The following INTS2 variants were observed in gnomAD, a reference collection of about 807,000 sequenced individuals.
INTS2 encodes integrator complex subunit 2.
In INTS2, 57 loss-of-function variants were observed where a neutral mutation model predicts 139.6. The ratio of observed to expected loss-of-function variants is 0.41; its 90% CI spans 0.33 to 0.51. INTS2 has a LOEUF of 0.51. Among genes scored for constraint, INTS2 ranks in the 20% least tolerant of loss-of-function variants. The pLI, the probability that INTS2 is intolerant of heterozygous loss-of-function variation, is 0.28. For missense variants in INTS2, 1,196 were observed against 1,436.7 expected (o/e 0.83, Z 2.71); for synonymous variants, 473 against 493.4 (o/e 0.96, Z 0.55).
chr17:61,901,577 CTTTTTTTTTTTTTTTTTTTTTT>C (rs55751869), intron 9 of INTS2, among the ~76,000 whole-genome samples: 9 of 49,454 alleles, frequency 1.8e-4, no homozygotes, highest in African/African-American at 7.8e-4. Flanking sequence ...AGAATGATTT[CTTTTTTTTTTTTTTTTTTTTTT>C]TTTTTTTTTT....
At chr17:61,903,626 T>A in intron 9 of INTS2, among the ~76,000 whole-genome samples, 1 of 150,026 alleles carries the variant, frequency 6.7e-6, no homozygotes, top group Non-Finnish European at 1.5e-5. Flanking sequence ...ACCAAGAAAG[T>A]TAAAAGCAAA....
intron 8 of INTS2, among the ~76,000 whole-genome samples, chr17:61,905,418 C>G (rs1468268377): frequency 6.6e-6 from 1 of 152,286 alleles, no homozygotes; most frequent in South Asian, 2.1e-4. Context: ...ACTCTACCTC[C>G]TAAGTTCAAG....
At chr17:61,911,161 A>G (rs1416006256) in intron 7 of INTS2, 1 of 280,516 alleles carries the variant, frequency 3.6e-6, no homozygotes, top group East Asian at 5.8e-5. Context: ...AGGCACAATT[A>G]TCACACACTA....
rs371804400 is a variant in INTS2 at position 61,875,035 on chromosome 17, T to C, written c.2460A>G (p.Leu820=). ...MVLNTVMPRR[L]WVMTVNALQP... is the part of the protein sequence containing the mutation. ...GAAGTGCATTAACCGTCATTACCCA[T>C]AGCCTGATAAGAAAATAATCACATG... Residue 820 remains leucine (L), a synonymous_variant, in exon 19 of 25, where the codon CTA becomes CTG. Coordinates refer to ENST00000251334, the MANE Select transcript of INTS2 (RefSeq NM_001351695.2). This position sits in a 1 kb window ranked among gnomAD's most constrained non-coding sequence, Gnocchi z 4.6. 3.8e-6 allele frequency: 6 copies of C among 1,583,730 alleles called. No homozygotes were observed. In the East Asian group the frequency reaches 1.1e-4, roughly 30 times the overall value.
At chr17:61,914,702 CAAAAAAA>C (rs58141533) in intron 5 of INTS2, among the ~76,000 whole-genome samples, 1 of 49,368 alleles carries the variant, frequency 2.0e-5, no homozygotes, top group Non-Finnish European at 4.4e-5. Flanking sequence ...GACTCCGTCT[CAAAAAAA>C]AAAAAAAAAA....
intron 14 of INTS2, among the ~76,000 whole-genome samples, chr17:61,891,203 G>C (rs570571740): frequency 6.6e-6 from 1 of 151,930 alleles, no homozygotes; most frequent in African/African-American, 2.4e-5. Flanking sequence ...ACTGAGGCAG[G>C]AGAATCACTT....
rs1463747356 is a variant in INTS2, at chr17:61,871,644, T to C, written c.2778+621A>G. 6.6e-6 allele frequency among the ~76,000 whole-genome samples: 1 copy of C among 152,172 alleles called. No individual in the cohort carries two copies. Among genetic ancestry groups the C allele is most frequent in the African/African-American group, 2.4e-5 (1 of 41,538 alleles). The stretch of plus-strand genomic sequence containing the variant: ...CAGTAGGTGTCCCAGTAAATATTGG[T>C]TGAATGAGGCCGGGTGCCGTGGCTC... On this transcript the variant is annotated intron_variant, in intron 20 of 24. Transcript: ENST00000251334. The surrounding 1 kb of genome is among the most constrained non-coding windows in gnomAD (Gnocchi z 4.9).
chr17:61,904,291 G>A (rs927101068), intron 9 of INTS2, among the ~76,000 whole-genome samples, 169 bp downstream of exon 9: 1 of 152,150 alleles, frequency 6.6e-6, no homozygotes, highest in African/African-American at 2.4e-5. Flanking sequence ...TCCAGCCTGG[G>A]CAACAAAGCT....
rs773783944 is a variant in INTS2 at position 61,921,792 on chromosome 17, A to C, written c.468T>G (p.Ser156=). ...SESNGEFFFK[S]SELFESPVYL... Reference sequence around the variant, plus strand: ...ATACTGGACTCTCAAAAAGTTCAGAAGACTTGAAAAAAAATTCTCCGTTGG... The same window carrying C: ...ATACTGGACTCTCAAAAAGTTCAGACGACTTGAAAAAAAATTCTCCGTTGG... Residue 156 remains serine (S), a synonymous_variant, in exon 4 of 25, where the codon TCT becomes TCG. Coordinates refer to ENST00000251334, the MANE Select transcript of INTS2 (RefSeq NM_001351695.2). 1.9e-6 allele frequency: 3 copies of C among 1,604,066 alleles called. No individual in the cohort carries two copies. The Admixed American group carries it at 5.1e-5, about 27-fold the overall frequency.
At chr17:61,886,894 A>G (rs1330908807) in intron 15 of INTS2, among the ~76,000 whole-genome samples, 1 of 152,218 alleles carries the variant, frequency 6.6e-6, no homozygotes, top group Non-Finnish European at 1.5e-5. Flanking sequence ...CTGTCTATAT[A>G]GACCACATAT....
chr17:61,919,525 C>T lies in INTS2; in HGVS notation c.536-12G>A. 2.1e-6 allele frequency: 3 copies of T among 1,436,290 alleles called. No homozygotes were observed. The highest frequency in any genetic ancestry group is 2.9e-6 in the Non-Finnish European group (3 of 1,032,890). The allele number at this position is 1,436,290 out of a possible 1,614,324, so 89.0% of individuals were successfully genotyped here. Reference sequence around the variant, plus strand: ...CAAGGAAGGGAGCTCTACAAGAAAACAAAGTCAGTGTTAGTCTTTGTTAAC... The same window carrying T: ...CAAGGAAGGGAGCTCTACAAGAAAATAAAGTCAGTGTTAGTCTTTGTTAAC... On this transcript the variant is annotated splice_polypyrimidine_tract_variant and intron_variant, in intron 4 of 24. Transcript: ENST00000251334.
In INTS2 at chr17:61,911,793, T is replaced by G. The variant is rs538844849; in HGVS notation, c.781-100A>C. 7.9e-5 allele frequency: 113 copies of G among 1,435,006 alleles called. No individual in the cohort carries two copies. The East Asian group carries it at 2.1e-3, about 27-fold the overall frequency. 88.9% of individuals were successfully genotyped at this position (1,435,006 alleles called of 1,614,324 possible). The stretch of plus-strand genomic sequence containing the variant: ...ATCTAAAGTTTAGAGGAAGAACTCC[T>G]ACAAAACATAAAAACCCAGAGAGGA... On this transcript the variant is annotated intron_variant, in intron 6 of 24. Coordinates refer to ENST00000251334, the MANE Select transcript of INTS2 (RefSeq NM_001351695.2).
intron 4 of INTS2, among the ~76,000 whole-genome samples, chr17:61,920,593 T>A (rs2079630657): frequency 6.8e-6 from 1 of 147,442 alleles, no homozygotes; most frequent in Non-Finnish European, 1.5e-5. Context: ...ATCACAAGGT[T>A]AAGAATTCGA....
chr17:61,908,152 C>A (rs1033086516), intron 7 of INTS2, among the ~76,000 whole-genome samples: 4 of 152,152 alleles, frequency 2.6e-5, no homozygotes, highest in African/African-American at 9.7e-5. Context: ...CAGTGGTTCA[C>A]GCCTGTAATC....
Position 61,911,651 on chromosome 17 carries a change from A to T in INTS2, c.823T>A (p.Leu275Met). 1 of 1,613,880 alleles carries T rather than the reference A, an allele frequency of 6.2e-7. No homozygotes were observed. The highest frequency in any genetic ancestry group is 8.5e-7 in the Non-Finnish European group (1 of 1,179,836). Residue 275 changes from leucine (L) to methionine (M), a missense_variant, in exon 7 of 25, where the codon TTG becomes ATG. Around this residue, in one of 3 missense-constraint regions of INTS2, gnomAD observed 1,129 missense variants for 1,341.9 expected, o/e 0.84. Coordinates refer to ENST00000251334, the MANE Select transcript of INTS2 (RefSeq NM_001351695.2). ...CAAGCTTCATTTTTAGTATGATCCAATGTCAAAGCCACACCAAGGCCTGGC... is the reference window on the plus strand; with the variant it reads ...CAAGCTTCATTTTTAGTATGATCCATTGTCAAAGCCACACCAAGGCCTGGC... ...HLPGLGVALT[L>M]DHTKNEACED...
Position 61,873,464 on chromosome 17 carries a change from C to T in INTS2, c.2583-1004G>A, listed in dbSNP as rs888528056. The stretch of plus-strand genomic sequence containing the variant: ...AAAAACATTAGATACAATTTGATAA[C>T]AGAATTTAACAACTTCCTTAAAAAC... On this transcript the variant is annotated intron_variant, in intron 19 of 24. Coordinates refer to ENST00000251334, the MANE Select transcript of INTS2 (RefSeq NM_001351695.2). The surrounding 1 kb of genome is among the most constrained non-coding windows in gnomAD (Gnocchi z 4.0). Among the ~76,000 whole-genome samples, 4 of 152,158 alleles carry T rather than the reference C, an allele frequency of 2.6e-5. No homozygotes were observed. The highest frequency in any genetic ancestry group is 9.7e-5 in the African/African-American group (4 of 41,440).
intron 13 of INTS2, among the ~76,000 whole-genome samples, chr17:61,892,953 CAAAA>C (rs58426330): frequency 2.3e-5 from 1 of 44,150 alleles, no homozygotes; most frequent in Non-Finnish European, 3.8e-5. Context: ...GACTCCATCT[CAAAA>C]AAAAAAAAAA....
intron 15 of INTS2, among the ~76,000 whole-genome samples, chr17:61,887,076 ACTAACTT>A (rs992927122): frequency 4.6e-5 from 7 of 152,216 alleles, no homozygotes; most frequent in Non-Finnish European, 8.8e-5. Context: ...AATACTTAAT[ACTAACTT>A]AGGGAAGTTA....
rs140007749 is a variant in INTS2, at chr17:61,916,684, A to T, written c.649+2716T>A. ...TAAAGATTTAGATGTAAAACCTCAA[A>T]CTATAAAAATCCTAGAAGAAACACT... On this transcript the variant is annotated intron_variant, in intron 5 of 24. Coordinates refer to ENST00000251334, the MANE Select transcript of INTS2 (RefSeq NM_001351695.2). Among the ~76,000 whole-genome samples the T allele has an allele frequency of 7.8e-3, 1,193 of 152,326 alleles. 9 individuals carry two copies. The highest frequency in any genetic ancestry group is 0.013 in the Non-Finnish European group (852 of 68,030).
Sources: allele counts gnomAD v4.1 joint callset (sites outside exome capture counted in the v4.1 genomes callset), GRCh38; gene constraint gnomAD v4.1.1; regional missense constraint gnomAD v4.1.1; non-coding constraint Gnocchi (gnomAD v3.1); transcripts MANE v1.5; gene names NCBI Gene and HGNC (gene_info 2026-07-23, HGNC 2026-07-21).